CELF2: variants seen among roughly 807,000 people sequenced by gnomAD.
CELF2 encodes CUGBP Elav-like family member 2.
A neutral mutation model predicts 62.6 loss-of-function variants in CELF2; 8 were observed. The observed-to-expected ratio is 0.13, with a 90% CI of 0.07 to 0.23. CELF2 has a LOEUF of 0.23. Ranked by LOEUF, CELF2 falls within the 10% of genes least tolerant of loss-of-function variation. The pLI, the probability that CELF2 is intolerant of heterozygous loss-of-function variation, is 1.00. For missense variants in CELF2, 333 were observed against 671.0 expected (o/e 0.50, Z 5.56); for synonymous variants, 258 against 250.0 (o/e 1.03, Z -0.30).
chr10:10,560,934 T>A, the CELF2 span, among the ~76,000 whole-genome samples: 1 of 151,736 alleles, frequency 6.6e-6, no homozygotes, highest in Non-Finnish European at 1.5e-5. Flanking sequence ...CTAAACATCG[T>A]ATGTTCTCAC....
the CELF2 span, among the ~76,000 whole-genome samples, chr10:10,644,159 T>A: frequency 6.6e-6 from 1 of 152,326 alleles, no homozygotes; most frequent in East Asian, 1.9e-4. Context: ...TCCTGTCTGC[T>A]GCCACGTGAT....
Position 11,244,478 on chromosome 10 carries a change from C to T in CELF2, c.355-4675C>T, listed in dbSNP as rs997791510. On this transcript the variant is annotated intron_variant, in intron 3 of 12. Coordinates refer to ENST00000633077, the MANE Select transcript of CELF2 (RefSeq NM_001326342.2). This position sits in a 1 kb window ranked among gnomAD's most constrained non-coding sequence, Gnocchi z 4.2. Reference sequence around the variant, plus strand: ...ACCATCGTGGCTAACATGGTGAAACCCTGTCTCTGCTAAAAATACAAAGAA... The same window carrying T: ...ACCATCGTGGCTAACATGGTGAAACTCTGTCTCTGCTAAAAATACAAAGAA... Among the ~76,000 whole-genome samples, 2 of 152,052 alleles carry T rather than the reference C, an allele frequency of 1.3e-5. No homozygotes were observed. Among genetic ancestry groups the T allele is most frequent in the Non-Finnish European group, 2.9e-5 (2 of 68,006 alleles).
the CELF2 span, among the ~76,000 whole-genome samples, chr10:10,742,111 G>C: frequency 6.6e-6 from 1 of 152,076 alleles, no homozygotes; most frequent in Non-Finnish European, 1.5e-5. Flanking sequence ...TAAGGTAATT[G>C]ATAGGTTCTT....
In CELF2 at chr10:10,978,760, T is replaced by G. The variant is rs574468279; in HGVS notation, c.89+58761T>G. ...AGGCCAATACCCTAAGTTGCAAAACTGAATATGAAGAGAGAAGAAAACAGG... is the reference window on the plus strand; with the variant it reads ...AGGCCAATACCCTAAGTTGCAAAACGGAATATGAAGAGAGAAGAAAACAGG... On this transcript the variant is annotated intron_variant, in intron 2 of 13. Transcript: ENST00000636488. Among the ~76,000 whole-genome samples, 5 of 152,212 alleles carry G rather than the reference T, an allele frequency of 3.3e-5. No individual in the cohort carries two copies. In the South Asian group the frequency reaches 1.0e-3, roughly 32 times the overall value.
At chr10:10,825,385 A>G (rs184703069) in intron 1 of CELF2, among the ~76,000 whole-genome samples, 42 of 151,700 alleles carry the variant, frequency 2.8e-4, no homozygotes, top group Admixed American at 9.2e-4. Context: ...AATTTTTTGT[A>G]TTTTTTAGTA....
At chr10:10,834,130 C>T (rs1216561087) in intron 1 of CELF2, among the ~76,000 whole-genome samples, 4 of 152,112 alleles carry the variant, frequency 2.6e-5, no homozygotes, top group African/African-American at 9.7e-5. Context: ...TACTATGCAG[C>T]CATGAAAAAC....
chr10:10,482,691 C>T, the CELF2 span, among the ~76,000 whole-genome samples: 1 of 152,178 alleles, frequency 6.6e-6, no homozygotes, highest in Non-Finnish European at 1.5e-5. Context: ...GAGACTGCCC[C>T]TCCCAGAGCT....
chr10:10,669,557 G>A, the CELF2 span, among the ~76,000 whole-genome samples: 1 of 152,104 alleles, frequency 6.6e-6, no homozygotes, highest in South Asian at 2.1e-4. Flanking sequence ...TGCAGATTCG[G>A]ATTCTAATAT....
intron 1 of CELF2, among the ~76,000 whole-genome samples, chr10:11,022,902 G>A (rs2058566886): frequency 6.6e-6 from 1 of 152,164 alleles, no homozygotes; most frequent in African/African-American, 2.4e-5. Flanking sequence ...TAAATGTTAA[G>A]CAGTACTATA....
intron 4 of CELF2, among the ~76,000 whole-genome samples, chr10:11,254,464 T>C (rs1408179793): frequency 6.6e-6 from 1 of 152,264 alleles, no homozygotes; most frequent in African/African-American, 2.4e-5. Flanking sequence ...GTGCGAGTTA[T>C]CTTTCTTCTT....
chr10:10,517,718 C>T, the CELF2 span, among the ~76,000 whole-genome samples: 1 of 152,144 alleles, frequency 6.6e-6, no homozygotes, highest in African/African-American at 2.4e-5. Context: ...CAGTAGCGAT[C>T]AAGGTGTAGC....
At chr10:11,144,158 C>T (rs940629025) in intron 1 of CELF2, among the ~76,000 whole-genome samples, 10 of 152,044 alleles carry the variant, frequency 6.6e-5, no homozygotes, top group African/African-American at 2.2e-4. Context: ...TAATTGCCTT[C>T]GGAAGACATT....
At chr10:10,619,368 A>G in the CELF2 span, among the ~76,000 whole-genome samples, 4 of 152,196 alleles carry the variant, frequency 2.6e-5, no homozygotes, top group Non-Finnish European at 4.4e-5. Context: ...TGCTCTCCCA[A>G]TTAGAGGCTA....
At chr10:10,664,553 G>C in the CELF2 span, among the ~76,000 whole-genome samples, 8 of 152,228 alleles carry the variant, frequency 5.3e-5, no homozygotes, top group East Asian at 1.5e-3. Flanking sequence ...GTAGAGTTTG[G>C]GTAAAAATTA....
At chr10:10,675,437 A>G in the CELF2 span, among the ~76,000 whole-genome samples, 1 of 152,092 alleles carries the variant, frequency 6.6e-6, no homozygotes, top group Non-Finnish European at 1.5e-5. Flanking sequence ...CTTTTGTTTG[A>G]AAATGAAAGG....
At position 10,957,787 on chromosome 10, in the gene CELF2, GT is replaced by G. The variant is rs2049062051; in HGVS notation, c.89+37793del. Among the ~76,000 whole-genome samples the G allele has an allele frequency of 6.6e-6, 1 of 152,136 alleles. No homozygotes were observed. Among genetic ancestry groups the G allele is most frequent in the African/African-American group, 2.4e-5 (1 of 41,428 alleles). On this transcript the variant is annotated intron_variant, in intron 2 of 13. Transcript: ENST00000636488. The surrounding 1 kb of genome is among the most constrained non-coding windows in gnomAD (Gnocchi z 4.1). ...ACGGGCCCTTTAACTCACAAACCAC[GT>G]TTTTCATCGGTTTTCCCCATCTTCC...
In CELF2 at chr10:11,332,413, G is replaced by A. The variant is rs2096044730; in HGVS notation, c.*3360G>A. On this transcript the variant is annotated 3_prime_UTR_variant, in exon 13 of 13. Transcript: ENST00000633077. ...AGGTGTCTGGAGTTAGAAGCCCATA[G>A]CCCTTTCCCAGCCTTTTTGGTTTTT... The A allele has an allele frequency of 6.6e-6, 1 of 152,372 alleles. No individual in the cohort carries two copies. The highest frequency in any genetic ancestry group is 2.4e-5 in the African/African-American group (1 of 41,414). 9.4% of individuals were successfully genotyped at this position (152,372 alleles called of 1,614,324 possible).
chr10:10,927,677 C>T (rs901643410), intron 2 of CELF2, among the ~76,000 whole-genome samples: 113 of 152,190 alleles, frequency 7.4e-4, no homozygotes, highest in African/African-American at 2.5e-3. Flanking sequence ...ACCTCTCCCA[C>T]CTTGGCCTCC....
At chr10:10,502,577 T>C in the CELF2 span, among the ~76,000 whole-genome samples, 1 of 151,996 alleles carries the variant, frequency 6.6e-6, no homozygotes, top group Non-Finnish European at 1.5e-5. Context: ...ATACATTATT[T>C]CCTTATTGTA....
Sources: gnomAD v4.1 joint callset for allele counts (sites outside exome capture counted in the v4.1 genomes callset) on GRCh38, gnomAD v4.1.1 for gene constraint, Gnocchi (gnomAD v3.1) non-coding constraint, MANE v1.5 for transcripts, NCBI Gene and HGNC (gene_info 2026-07-23, HGNC 2026-07-21) for gene names.